NTRK3: variants seen among roughly 807,000 people sequenced by gnomAD.
The protein encoded by NTRK3 is NT-3 growth factor receptor.
NTRK3 carries 24 observed loss-of-function variants against 91.7 expected under a neutral mutation model. The ratio of observed to expected loss-of-function variants is 0.26; its 90% CI spans 0.19 to 0.37. NTRK3 has a LOEUF of 0.37. Ranked by LOEUF, NTRK3 falls within the 10% of genes least tolerant of loss-of-function variation. The pLI is 1.00. For synonymous variants in NTRK3, 483 were observed against 404.0 expected, an observed-to-expected ratio of 1.20 and a Z score of -2.34; for missense variants, 880 against 1,068.9, an observed-to-expected ratio of 0.82 and a Z score of 2.46.
intron 5 of NTRK3, among the ~76,000 whole-genome samples, chr15:88,169,943 G>T (rs1330030604): frequency 3.3e-5 from 5 of 152,080 alleles, no homozygotes; most frequent in Middle Eastern, 3.2e-3. Context: ...ATGCTCCCAG[G>T]GAGCCCCAAG....
At chr15:87,951,453 T>C (rs751547132) in intron 14 of NTRK3, among the ~76,000 whole-genome samples, 6 of 152,236 alleles carry the variant, frequency 3.9e-5, no homozygotes, top group Non-Finnish European at 7.3e-5. Context: ...AGGCATAAAA[T>C]TCCAGTTCAT....
chr15:88,153,352 T>C (rs1186667691), intron 5 of NTRK3, among the ~76,000 whole-genome samples: 1 of 152,156 alleles, frequency 6.6e-6, no homozygotes, highest in African/African-American at 2.4e-5. Flanking sequence ...AAGCGATTCT[T>C]CTGCCTACGC....
intron 17 of NTRK3, among the ~76,000 whole-genome samples, chr15:87,892,764 T>C (rs1266935500): frequency 1.3e-5 from 2 of 152,156 alleles, no homozygotes; most frequent in African/African-American, 2.4e-5. Context: ...CAGTAAATTA[T>C]GATAGAGTGG....
At chr15:87,932,884 T>G in intron 16 of NTRK3, 128 bp downstream of exon 16, 1 of 926,850 alleles carries the variant, frequency 1.1e-6, no homozygotes, top group East Asian at 2.6e-5. Context: ...AGAATGAATG[T>G]GTTCATCTAA....
At chr15:88,139,480 C>T (rs537183088) in intron 6 of NTRK3, among the ~76,000 whole-genome samples, 14 of 152,170 alleles carry the variant, frequency 9.2e-5, no homozygotes, top group South Asian at 4.1e-4. Context: ...TTCAGGAAAA[C>T]GTGAGGCTCC....
chr15:88,162,628 A>G (rs746099362), intron 5 of NTRK3, among the ~76,000 whole-genome samples: 3 of 152,246 alleles, frequency 2.0e-5, no homozygotes. Flanking sequence ...TTAACTGATT[A>G]CATGATAGAA....
At chr15:87,902,053 A>G (rs1319000629) in intron 17 of NTRK3, among the ~76,000 whole-genome samples, 1 of 152,244 alleles carries the variant, frequency 6.6e-6, no homozygotes, top group Non-Finnish European at 1.5e-5. Context: ...TAAAACACTC[A>G]GAAAAGCTGA....
At chr15:88,247,314 A>AG (rs2052934417) in intron 3 of NTRK3, among the ~76,000 whole-genome samples, 1 of 152,226 alleles carries the variant, frequency 6.6e-6, no homozygotes, top group African/African-American at 2.4e-5. Flanking sequence ...CACACCAGCT[A>AG]GCGAGGCAGG....
chr15:87,914,535 T>C (rs1056669824), intron 17 of NTRK3, among the ~76,000 whole-genome samples: 2 of 152,216 alleles, frequency 1.3e-5, no homozygotes, highest in Admixed American at 6.5e-5. Context: ...TAATATAGTA[T>C]TATGTATTTT....
In NTRK3 at chr15:88,194,724, T is replaced by C. The variant is rs188451646; in HGVS notation, c.249-10425A>G. Among the ~76,000 whole-genome samples, 91 of 152,306 alleles carry C rather than the reference T, an allele frequency of 6.0e-4. 1 individual carries two copies. The highest frequency in any genetic ancestry group is 2.1e-3 in the African/African-American group (88 of 41,564). On this transcript the variant is annotated intron_variant, in intron 3 of 18. Coordinates refer to ENST00000394480, the Ensembl canonical transcript of NTRK3. ...TCCACCAAAACAAACAAAAAACCTC[T>C]AGTGGCTTCTCCTGCACTTGGACTT...
intron 13 of NTRK3, among the ~76,000 whole-genome samples, chr15:88,113,937 T>C (rs976651044): frequency 6.6e-6 from 1 of 152,148 alleles, no homozygotes; most frequent in African/African-American, 2.4e-5. Context: ...AGAATGCAAA[T>C]TCCCAGGGCC....
chr15:88,176,931 A>G (rs931341893), intron 5 of NTRK3, among the ~76,000 whole-genome samples: 1 of 152,238 alleles, frequency 6.6e-6, no homozygotes, highest in East Asian at 1.9e-4. Flanking sequence ...GGAAGGCCAC[A>G]AAGTTTGAGT....
chr15:88,216,390 A>C (rs1055161864), intron 3 of NTRK3, among the ~76,000 whole-genome samples: 5 of 152,134 alleles, frequency 3.3e-5, no homozygotes, highest in African/African-American at 1.2e-4. Context: ...GCTCAGAAAG[A>C]GCTCACCCCT....
At chr15:88,106,651 G>T (rs2050737208) in intron 13 of NTRK3, among the ~76,000 whole-genome samples, 1 of 152,136 alleles carries the variant, frequency 6.6e-6, no homozygotes, top group East Asian at 1.9e-4. Context: ...TATGAGAATG[G>T]GCCAGGCATG....
intron 13 of NTRK3, among the ~76,000 whole-genome samples, chr15:88,111,107 A>T (rs1013469634): frequency 5.9e-5 from 9 of 152,208 alleles, no homozygotes; most frequent in Non-Finnish European, 1.3e-4. Context: ...TGAGATACAG[A>T]TGATGAGCGA....
intron 3 of NTRK3, among the ~76,000 whole-genome samples, chr15:88,206,467 G>T (rs1161673786): frequency 6.7e-6 from 1 of 148,240 alleles, no homozygotes; most frequent in Non-Finnish European, 1.5e-5. Flanking sequence ...GACCATCCTG[G>T]CTAACACGGT....
At chr15:87,949,215 A>C (rs1275878047) in intron 14 of NTRK3, among the ~76,000 whole-genome samples, 1 of 152,226 alleles carries the variant, frequency 6.6e-6, no homozygotes, top group African/African-American at 2.4e-5. Flanking sequence ...GAAAAGAGCC[A>C]GGAAGTTCCT....
At chr15:88,093,579 C>G (rs2049255021) in intron 13 of NTRK3, among the ~76,000 whole-genome samples, 1 of 152,160 alleles carries the variant, frequency 6.6e-6, no homozygotes, top group South Asian at 2.1e-4. Context: ...GTCTTCATCT[C>G]AAAGTCATGT....
At chr15:88,115,020 A>G (rs941498457) in intron 13 of NTRK3, among the ~76,000 whole-genome samples, 3 of 152,198 alleles carry the variant, frequency 2.0e-5, no homozygotes, top group African/African-American at 7.2e-5. Context: ...CCACAAATAC[A>G]GATAGCCATT....
Sources: gnomAD v4.1 joint callset for allele counts (sites outside exome capture counted in the v4.1 genomes callset) on GRCh38, gnomAD v4.1.1 for gene constraint, MANE v1.5 for transcripts, NCBI Gene and HGNC (gene_info 2026-07-23, HGNC 2026-07-21) for gene names.